Variants in CADM1 observed in about 807,000 individuals in gnomAD.
The protein encoded by CADM1 is cell adhesion molecule 1.
Under a neutral mutation model 53.1 loss-of-function variants are expected in CADM1, and 15 were observed. The ratio of observed to expected loss-of-function variants is 0.28; its 90% CI spans 0.19 to 0.44. The LOEUF (loss-of-function observed/expected upper bound fraction) is 0.44, where lower values mean the gene tolerates loss of function less well. Among genes scored for constraint, CADM1 ranks in the 20% least tolerant of loss-of-function variants. The probability of loss-of-function intolerance (pLI) is 1.00; values close to 1 mark genes in which losing one functional copy is unlikely to be tolerated. For missense variants in CADM1, 434 were observed against 611.3 expected (o/e 0.71, Z 3.06); for synonymous variants, 281 against 243.0 (o/e 1.16, Z -1.45).
chr11:115,349,917 G>C (rs1229456714), intron 1 of CADM1, among the ~76,000 whole-genome samples: 1 of 152,064 alleles, frequency 6.6e-6, no homozygotes, highest in African/African-American at 2.4e-5. Flanking sequence ...TACACCACAT[G>C]GGCCAATTAG....
chr11:115,382,893 A>C lies in CADM1; in HGVS notation c.124+121378T>G, dbSNP rs536566462. ...TTGCATTTGAAAATAGAGTGAAACAAACCAAGTCTCCCTTTAAAGGGAAAT... is the reference window on the plus strand; with the variant it reads ...TTGCATTTGAAAATAGAGTGAAACACACCAAGTCTCCCTTTAAAGGGAAAT... On this transcript the variant is annotated intron_variant, in intron 1 of 11. Coordinates refer to ENST00000331581, the MANE Select transcript of CADM1 (RefSeq NM_001301043.2). Among the ~76,000 whole-genome samples the C allele has an allele frequency of 5.9e-5, 9 of 152,336 alleles. No individual in the cohort carries two copies. The South Asian group carries it at 1.9e-3, about 32-fold the overall frequency.
At chr11:115,278,674 G>A (rs1466354058) in intron 1 of CADM1, among the ~76,000 whole-genome samples, 2 of 152,162 alleles carry the variant, frequency 1.3e-5, no homozygotes, top group African/African-American at 2.4e-5. Context: ...TTGTAAGAAG[G>A]ACTGAATGTT....
At chr11:115,383,997 C>T (rs1327297953) in intron 1 of CADM1, among the ~76,000 whole-genome samples, 1 of 151,520 alleles carries the variant, frequency 6.6e-6, no homozygotes, top group African/African-American at 2.4e-5. Flanking sequence ...TGTAGAGAAA[C>T]ACAAATCCCA....
At chr11:115,437,508 T>G (rs1948210381) in intron 1 of CADM1, among the ~76,000 whole-genome samples, 1 of 152,338 alleles carries the variant, frequency 6.6e-6, no homozygotes, top group Admixed American at 6.5e-5. Flanking sequence ...AGACATTTTC[T>G]CACTATGGCA....
intron 8 of CADM1, among the ~76,000 whole-genome samples, chr11:115,205,548 C>T (rs950422763): frequency 2.0e-5 from 3 of 152,114 alleles, no homozygotes; most frequent in Admixed American, 1.3e-4. Flanking sequence ...GACTCTTACC[C>T]GGGGTAATGG....
At chr11:115,293,326 G>C (rs1426345955) in intron 1 of CADM1, among the ~76,000 whole-genome samples, 3 of 152,104 alleles carry the variant, frequency 2.0e-5, no homozygotes, top group Non-Finnish European at 1.5e-5. Flanking sequence ...CCAGCTACTC[G>C]GGAGGCTGAG....
At position 115,170,321 on chromosome 11, in the gene CADM1, A is replaced by G. The variant is rs1938748100; in HGVS notation, c.*6153T>C. The G allele has an allele frequency of 6.6e-6, 1 of 152,304 alleles. No homozygotes were observed. The highest frequency in any genetic ancestry group is 2.4e-5 in the African/African-American group (1 of 41,450). 9.4% of individuals were successfully genotyped at this position (152,304 alleles called of 1,614,324 possible). On this transcript the variant is annotated 3_prime_UTR_variant, in exon 12 of 12. Coordinates refer to ENST00000331581, the MANE Select transcript of CADM1 (RefSeq NM_001301043.2). ...GGTAGGTGTGCATGTGTGTGAGAGA[A>G]AAAGCAGTAGACAATGTCAGGTTCC... is the stretch of plus-strand genomic sequence containing the variant.
chr11:115,342,350 G>A (rs1250144452), intron 1 of CADM1, among the ~76,000 whole-genome samples: 1 of 152,168 alleles, frequency 6.6e-6, no homozygotes, highest in African/African-American at 2.4e-5. Context: ...AATACACGAT[G>A]TAGTATCATG....
At chr11:115,288,209 C>G (rs1394697236) in intron 1 of CADM1, among the ~76,000 whole-genome samples, 2 of 152,052 alleles carry the variant, frequency 1.3e-5, no homozygotes, top group Non-Finnish European at 2.9e-5. Flanking sequence ...AGCAAGGAAG[C>G]CAGCATGATC....
At chr11:115,494,104 A>G (rs534885274) in intron 1 of CADM1, among the ~76,000 whole-genome samples, 32 of 152,294 alleles carry the variant, frequency 2.1e-4, no homozygotes, top group African/African-American at 7.5e-4. Flanking sequence ...CTTAGGGAAG[A>G]AAAAAGATGA....
At chr11:115,272,789 A>C (rs1469527652) in intron 1 of CADM1, among the ~76,000 whole-genome samples, 2 of 150,728 alleles carry the variant, frequency 1.3e-5, no homozygotes, top group East Asian at 3.9e-4. Context: ...TGGGAGATAC[A>C]CCTAATGCTA....
At chr11:115,497,973 C>T (rs1210425030) in intron 1 of CADM1, among the ~76,000 whole-genome samples, 1 of 139,600 alleles carries the variant, frequency 7.2e-6, no homozygotes, top group Non-Finnish European at 1.5e-5. Flanking sequence ...GAGAAAGAGC[C>T]TCAAAAAAAA....
chr11:115,368,204 G>C (rs1439092530), intron 1 of CADM1, among the ~76,000 whole-genome samples: 2 of 123,210 alleles, frequency 1.6e-5, no homozygotes, highest in African/African-American at 3.1e-5. Flanking sequence ...TAAAATTCAG[G>C]TGTGGCACGG....
At chr11:115,349,271 T>C (rs1218192750) in intron 1 of CADM1, among the ~76,000 whole-genome samples, 1 of 152,192 alleles carries the variant, frequency 6.6e-6, no homozygotes, top group African/African-American at 2.4e-5. Flanking sequence ...GACTAAAATA[T>C]AAACCTATTA....
chr11:115,280,019 G>GCTAA (rs1164675504), intron 1 of CADM1, among the ~76,000 whole-genome samples: 1 of 152,182 alleles, frequency 6.6e-6, no homozygotes, highest in African/African-American at 2.4e-5. Flanking sequence ...CGCAATGCAT[G>GCTAA]CTAACATCAA....
intron 1 of CADM1, among the ~76,000 whole-genome samples, chr11:115,388,917 T>C (rs1044164103): frequency 5.3e-5 from 8 of 152,054 alleles, no homozygotes; most frequent in African/African-American, 1.9e-4. Context: ...AACTGAAATA[T>C]GGAGAATGCT....
chr11:115,409,422 T>G (rs1265991044), intron 1 of CADM1, among the ~76,000 whole-genome samples: 1 of 152,156 alleles, frequency 6.6e-6, no homozygotes, highest in East Asian at 1.9e-4. Context: ...TTTTGTTTTG[T>G]CTTTCTTTTC....
intron 1 of CADM1, among the ~76,000 whole-genome samples, chr11:115,475,738 C>T (rs933358561): frequency 2.0e-5 from 3 of 152,164 alleles, no homozygotes; most frequent in African/African-American, 2.4e-5. Flanking sequence ...ACTATAGCAA[C>T]GGCAAACAGA....
intron 10 of CADM1, among the ~76,000 whole-genome samples, chr11:115,182,347 G>A (rs1387806659): frequency 1.3e-5 from 2 of 152,326 alleles, no homozygotes; most frequent in East Asian, 3.9e-4. Flanking sequence ...GAGGCTACAA[G>A]TGTTCCTCTT....
Sources: allele counts gnomAD v4.1 joint callset (sites outside exome capture counted in the v4.1 genomes callset), GRCh38; gene constraint gnomAD v4.1.1; transcripts MANE v1.5; gene names NCBI Gene and HGNC (gene_info 2026-07-23, HGNC 2026-07-21).